Variants in SLC37A2 observed in about 807,000 individuals in gnomAD.
SLC37A2 encodes the protein glucose-6-phosphate exchanger SLC37A2.
In SLC37A2, 59 loss-of-function variants were observed where a neutral mutation model predicts 70.7. That is an observed-to-expected ratio of 0.83 (90% CI 0.68 to 1.04). The LOEUF (loss-of-function observed/expected upper bound fraction) is 1.04. Among genes scored for constraint, SLC37A2 ranks in the 50% least tolerant of loss-of-function variants. The pLI is 0.00. For synonymous variants in SLC37A2, 257 were observed against 262.1 expected (o/e 0.98, Z 0.19); for missense variants, 580 against 658.1 (o/e 0.88, Z 1.30).
chr11:125,088,192 A>G lies in SLC37A2; in HGVS notation c.*58A>G, dbSNP rs369383619. On this transcript the variant is annotated 3_prime_UTR_variant, in exon 18 of 18. Transcript: ENST00000403796. ...CAGTTGGGTCCCCAACGTGCTCCCC[A>G]TGGGCAAGACAATGGAAACTTCCAC... 65 of 1,539,828 alleles carry G rather than the reference A, an allele frequency of 4.2e-5. 1 individual carries two copies. In the African/African-American group the frequency reaches 4.3e-4, roughly 10 times the overall value.
rs762949446 is a variant in SLC37A2 at position 125,081,371 on chromosome 11, TG to T, written c.695-43del. 14 of 1,286,896 alleles carry T rather than the reference TG, an allele frequency of 1.1e-5. No individual in the cohort carries two copies. The East Asian group carries it at 1.2e-4, about 11-fold the overall frequency. The allele number at this position is 1,286,896 out of a possible 1,614,324, so 79.7% of individuals were successfully genotyped here. A position where few individuals can be genotyped will look rare whatever the true frequency, so the allele number is the denominator to read the frequency against. On this transcript the variant is annotated intron_variant, in intron 7 of 17. Coordinates refer to ENST00000403796, the MANE Select transcript of SLC37A2 (RefSeq NM_001145290.2). The stretch of plus-strand genomic sequence containing the variant: ...GAGGGCCTGGCAATCACCTCGGGAT[TG>T]GGGGGGCGGGGGTTGGGAAACTTCT...
chr11:125,085,587 G>A lies in SLC37A2; in HGVS notation c.1338G>A (p.Leu446=). 1 of 1,613,798 alleles carries A rather than the reference G, an allele frequency of 6.2e-7. No homozygotes were observed. Among genetic ancestry groups the A allele is most frequent in the Non-Finnish European group, 8.5e-7 (1 of 1,180,008 alleles). Reference sequence around the variant, plus strand: ...CTGTGCTCCATTCAGGTGCGGCTCTGGGGCCTCTGCTGGCTGGGCTCATCT... The same window carrying A: ...CTGTGCTCCATTCAGGTGCGGCTCTAGGGCCTCTGCTGGCTGGGCTCATCT... The part of the protein sequence containing the change: ...IDGTGSIGAA[L]GPLLAGLISP... The change falls in exon 16 of 18, where the codon CTG becomes CTA. Residue 446 remains leucine (L), a synonymous_variant. Transcript: ENST00000403796.
Position 125,079,809 on chromosome 11 carries a change from G to T in SLC37A2, c.527+49G>T, listed in dbSNP as rs776517281. 2.8e-5 allele frequency: 40 copies of T among 1,419,326 alleles called. No individual in the cohort carries two copies. The Admixed American group carries it at 4.6e-4, about 16-fold the overall frequency. 87.9% of individuals were successfully genotyped at this position (1,419,326 alleles called of 1,614,324 possible). On this transcript the variant is annotated intron_variant, in intron 6 of 17. Transcript: ENST00000403796. ...GTGGGAAGGATTGGGAGGGCTGGGG[G>T]TCCTGAGCTGGTCACCGTGGCCTCT...
chr11:125,076,096 C>T (rs756584299), intron 1 of SLC37A2, among the ~76,000 whole-genome samples: 10 of 152,054 alleles, frequency 6.6e-5, no homozygotes, highest in Non-Finnish European at 7.4e-5. Flanking sequence ...CTTTCCATCC[C>T]GGGCCAGGGC....
Position 125,085,871 on chromosome 11 carries a change from G to T in SLC37A2, c.1426-83G>T. 3.6e-6 allele frequency: 5 copies of T among 1,387,772 alleles called. No homozygotes were observed. The South Asian group carries it at 4.6e-5, about 13-fold the overall frequency. The allele number at this position is 1,387,772 out of a possible 1,614,324, so 86.0% of individuals were successfully genotyped here. ...TGTCTCTCCCCCTTCTCCACTGCCA[G>T]TCCACGGGTCACCCTGGTGCTGGGC... On this transcript the variant is annotated intron_variant, in intron 16 of 17. Transcript: ENST00000403796.
chr11:125,077,201 CT>C, intron 2 of SLC37A2, 28 bp from the exon 3 acceptor site: 1 of 1,538,682 alleles, frequency 6.5e-7, no homozygotes, highest in South Asian at 1.3e-5. Flanking sequence ...GGGTCAACCC[CT>C]GACCTGTATG....
At chr11:125,085,367 G>A in intron 14 of SLC37A2, 28 bp from the exon 15 acceptor site, 4 of 1,606,582 alleles carry the variant, frequency 2.5e-6, no homozygotes, top group Non-Finnish European at 2.6e-6. Flanking sequence ...GCTCAGCTGG[G>A]CTTCCCCACT....
chr11:125,064,900 A>G (rs1213223293), intron 1 of SLC37A2, among the ~76,000 whole-genome samples: 4 of 152,214 alleles, frequency 2.6e-5, no homozygotes, highest in Non-Finnish European at 4.4e-5. Context: ...AACATACTTA[A>G]TGCCACCTAA....
At chr11:125,079,619 G>A in intron 5 of SLC37A2, 65 bp from the exon 6 acceptor site, 1 of 1,352,148 alleles carries the variant, frequency 7.4e-7, no homozygotes, top group Non-Finnish European at 1.0e-6. Context: ...GCCCAGGGTG[G>A]TCAGAGCAGG....
At chr11:125,076,519 G>A (rs560389572) in intron 1 of SLC37A2, among the ~76,000 whole-genome samples, 26 of 152,276 alleles carry the variant, frequency 1.7e-4, no homozygotes, top group African/African-American at 4.8e-4. Flanking sequence ...TGTGGGCTGG[G>A]GCCGAGCCGG....
chr11:125,067,221 C>T (rs936471489), intron 1 of SLC37A2, among the ~76,000 whole-genome samples: 3 of 152,090 alleles, frequency 2.0e-5, no homozygotes, highest in Admixed American at 2.0e-4. Flanking sequence ...TAAAGCCATC[C>T]TCCTACCTCA....
At chr11:125,076,679 C>A (rs1420289598) in intron 1 of SLC37A2, 78 bp from the exon 2 acceptor site, 3 of 1,336,902 alleles carry the variant, frequency 2.2e-6, no homozygotes, top group Non-Finnish European at 3.2e-6. Context: ...CCAGAGGGGA[C>A]ACGGGTCAGG....
rs563304954 is a variant in SLC37A2 at position 125,083,899 on chromosome 11, C to T, written c.1039+22C>T. On this transcript the variant is annotated intron_variant, in intron 11 of 17. Coordinates refer to ENST00000403796, the MANE Select transcript of SLC37A2 (RefSeq NM_001145290.2). The surrounding 1 kb of genome is among the most constrained non-coding windows in gnomAD (Gnocchi z 4.6). ...ATAGGTGAGGCCTTGCCCTGCTCTGCCAGCAGGCTCCCTTCCCCTCTTTTC... is the reference window on the plus strand; with the variant it reads ...ATAGGTGAGGCCTTGCCCTGCTCTGTCAGCAGGCTCCCTTCCCCTCTTTTC... 6.2e-7 allele frequency: 1 copy of T among 1,609,238 alleles called. No homozygotes were observed. Among genetic ancestry groups the T allele is most frequent in the Non-Finnish European group, 8.5e-7 (1 of 1,175,644 alleles).
In SLC37A2 at chr11:125,088,275, G is replaced by A. The variant is rs1002851641; in HGVS notation, c.*141G>A. 5 of 904,050 alleles carry A rather than the reference G, an allele frequency of 5.5e-6. No homozygotes were observed. The highest frequency in any genetic ancestry group is 5.0e-5 in the African/African-American group (3 of 59,546). 56.0% of individuals were successfully genotyped at this position (904,050 alleles called of 1,614,324 possible). The stretch of plus-strand genomic sequence containing the variant: ...TTAGCCAGCCCAGCCCAGACCCCAG[G>A]GCTGCCTAAGGACACAGAGATTCTC... On this transcript the variant is annotated 3_prime_UTR_variant, in exon 18 of 18. Transcript: ENST00000403796.
At chr11:125,084,909 G>A (rs1949188942) in intron 13 of SLC37A2, 36 bp downstream of exon 13, 2 of 1,612,092 alleles carry the variant, frequency 1.2e-6, no homozygotes, top group African/African-American at 1.3e-5. Context: ...CAGGCCAGGG[G>A]AAAGGCACTG....
At chr11:125,081,304 G>A (rs568728760) in intron 7 of SLC37A2, 117 bp from the exon 8 acceptor site, 2 of 1,013,260 alleles carry the variant, frequency 2.0e-6, no homozygotes, top group Non-Finnish European at 2.9e-6. Flanking sequence ...AGGAGCTGGA[G>A]GCGGGGCTGG....
chr11:125,064,140 G>A (rs193101832), intron 1 of SLC37A2, among the ~76,000 whole-genome samples: 1 of 152,292 alleles, frequency 6.6e-6, no homozygotes, highest in East Asian at 1.9e-4. Flanking sequence ...TGTGTTAGTT[G>A]CCATTATTTA....
chr11:125,078,588 A>G (rs1478863727), intron 4 of SLC37A2, among the ~76,000 whole-genome samples: 1 of 152,140 alleles, frequency 6.6e-6, no homozygotes, highest in African/African-American at 2.4e-5. Context: ...GCCTGGCTTG[A>G]GTGCCCAAGG....
At chr11:125,087,102 A>G (rs958766894) in intron 17 of SLC37A2, 5 of 153,022 alleles carry the variant, frequency 3.3e-5, no homozygotes, top group Admixed American at 2.6e-4. Context: ...CCTTGGAGCC[A>G]GGCCTGAGGG....
Sources: allele counts gnomAD v4.1 joint callset (sites outside exome capture counted in the v4.1 genomes callset), GRCh38; gene constraint gnomAD v4.1.1; non-coding constraint Gnocchi (gnomAD v3.1); transcripts MANE v1.5; gene names NCBI Gene and HGNC (gene_info 2026-07-23, HGNC 2026-07-21).